The following FAM20C variants were observed in gnomAD, a reference collection of about 807,000 sequenced individuals.
FAM20C encodes the protein FAM20C golgi associated secretory pathway kinase, also known as extracellular serine/threonine protein kinase FAM20C.
Under a neutral mutation model 51.5 loss-of-function variants are expected in FAM20C, and 40 were observed. That is an observed-to-expected ratio of 0.78 (90% CI 0.60 to 1.01). The LOEUF (loss-of-function observed/expected upper bound fraction) is 1.01. Among genes scored for constraint, FAM20C ranks in the 50% least tolerant of loss-of-function variants. The probability of loss-of-function intolerance (pLI) is 0.00; values close to 1 mark genes in which losing one functional copy is unlikely to be tolerated. For synonymous variants in FAM20C, 406 were observed against 380.6 expected, an observed-to-expected ratio of 1.07 and a Z score of -0.78; for missense variants, 861 against 844.7, an observed-to-expected ratio of 1.02 and a Z score of -0.24.
At chr7:227,123 A>ATT (rs143466747) in intron 3 of FAM20C, among the ~76,000 whole-genome samples, 1 of 149,370 alleles carries the variant, frequency 6.7e-6, no homozygotes, top group African/African-American at 2.5e-5. Context: ...AAGGAAAGTC[A>ATT]TTTTTTTTTT....
At chr7:227,793 A>G (rs1787503106) in intron 3 of FAM20C, 1 of 152,328 alleles carries the variant, frequency 6.6e-6, no homozygotes, top group Non-Finnish European at 1.5e-5. Flanking sequence ...TTTGCTTTTG[A>G]AATAAAGTCT....
chr7:236,207 TGGCCGAGGTGAGA>T (rs1470136626), intron 3 of FAM20C, among the ~76,000 whole-genome samples: 116 of 98,464 alleles, frequency 1.2e-3, no homozygotes, highest in African/African-American at 8.9e-3. Context: ...GAGCGGCTCC[TGGCCGAGGTGAGA>T]GGCCGAGCGG....
chr7:256,718 C>A lies in FAM20C; in HGVS notation c.1318C>A (p.Arg440Ser). Residue 440 changes from arginine (R) to serine (S), a missense_variant, in exon 7 of 10, where the codon CGC (arginine) becomes AGC (serine). This residue lies in a region of FAM20C where 269 missense variants were observed against 283.8 expected (regional missense o/e 0.95). Coordinates refer to ENST00000313766, the MANE Select transcript of FAM20C (RefSeq NM_020223.4). ...GACACCGCCCTACGACAGCAGCCAC[C>A]GCATCCTGGACGTCATGGACATGAC... Reference protein sequence around the residue: ...KQTPPYDSSHRILDVMDMTIF... With the variant: ...KQTPPYDSSHSILDVMDMTIF... The A allele has an allele frequency of 6.5e-7, 1 of 1,536,210 alleles. No individual in the cohort carries two copies. Among genetic ancestry groups the A allele is most frequent in the Non-Finnish European group, 8.7e-7 (1 of 1,146,824 alleles).
At chr7:206,568 T>TG (rs1786404119) in intron 2 of FAM20C, among the ~76,000 whole-genome samples, 1 of 33,958 alleles carries the variant, frequency 2.9e-5, no homozygotes, top group Non-Finnish European at 7.2e-5. Context: ...CGTCGGTCAC[T>TG]GTCCCCTCAG....
At chr7:209,290 C>G (rs1786592820) in intron 3 of FAM20C, among the ~76,000 whole-genome samples, 1 of 152,234 alleles carries the variant, frequency 6.6e-6, no homozygotes, top group African/African-American at 2.4e-5. Flanking sequence ...GAATGCCTCT[C>G]TGGAAGAGGT....
rs548197766 is a variant in FAM20C at position 202,214 on chromosome 7, G to A, written c.784+6482G>A. Among the ~76,000 whole-genome samples the A allele has an allele frequency of 6.1e-4, 93 of 152,282 alleles. 4 individuals are homozygous for A. The South Asian group carries it at 0.019, about 31-fold the overall frequency. On this transcript the variant is annotated intron_variant, in intron 2 of 9. Coordinates refer to ENST00000313766, the MANE Select transcript of FAM20C (RefSeq NM_020223.4). Reference sequence around the variant, plus strand: ...GAGAGGACGGGTGGCCACTGGGCGAGATTGCACTGGGGAATGGGGCTTGTG... The same window carrying A: ...GAGAGGACGGGTGGCCACTGGGCGAAATTGCACTGGGGAATGGGGCTTGTG...
At chr7:204,653 C>T (rs906529387) in intron 2 of FAM20C, among the ~76,000 whole-genome samples, 3 of 152,166 alleles carry the variant, frequency 2.0e-5, no homozygotes, top group Non-Finnish European at 4.4e-5. Context: ...ACACGGCACT[C>T]GCGTGGCCTT....
At position 259,930 on chromosome 7, in the gene FAM20C, G is replaced by T; in HGVS notation, c.1705G>T (p.Val569Leu). ...DCVERNGLHS[V>L]VDDDLDTEHR... Reference sequence around the variant, plus strand: ...CGTGGAGAGGAACGGGCTCCACAGCGTGGTGGATGACGACCTGGACACTGA... The same window carrying T: ...CGTGGAGAGGAACGGGCTCCACAGCTTGGTGGATGACGACCTGGACACTGA... Residue 569 changes from valine to leucine, a missense_variant, in exon 10 of 10, where the codon GTG becomes TTG. Physicochemically the swap from Val to Leu is conservative, Grantham distance 32. Coordinates refer to ENST00000313766, the MANE Select transcript of FAM20C (RefSeq NM_020223.4). The T allele has an allele frequency of 6.5e-7, 1 of 1,532,382 alleles. No homozygotes were observed. The allele number at this position is 1,532,382 out of a possible 1,614,324, so 94.9% of individuals were successfully genotyped here.
At position 208,899 on chromosome 7, in the gene FAM20C, C is replaced by A. The variant is rs1427806741; in HGVS notation, c.786C>A (p.Ala262=). 3.2e-6 allele frequency: 5 copies of A among 1,571,798 alleles called. No individual in the cohort carries two copies. The South Asian group carries it at 4.7e-5, about 15-fold the overall frequency. The change falls in exon 3 of 10, where the codon GCC becomes GCA. Residue 262 remains alanine, a splice_region_variant and synonymous_variant. Coordinates refer to ENST00000313766, the MANE Select transcript of FAM20C (RefSeq NM_020223.4). ...TGTTTCTCTCCCTCCTTCCTGCAGCCATGAAGTCGGGGGGCACGCAGCTGA... is the reference window on the plus strand; with the variant it reads ...TGTTTCTCTCCCTCCTTCCTGCAGCAATGAAGTCGGGGGGCACGCAGCTGA... ...DLSSQRITSV[A]MKSGGTQLKL...
intron 3 of FAM20C, among the ~76,000 whole-genome samples, chr7:216,674 TGTGTGTGAGA>T (rs1361934612): frequency 4.6e-4 from 65 of 140,250 alleles, no homozygotes; most frequent in Middle Eastern, 3.7e-3. Context: ...AGAGACAGAG[TGTGTGTGAGA>T]GTGTGTGTGT....
intron 2 of FAM20C, among the ~76,000 whole-genome samples, chr7:199,821 A>C (rs1786047688): frequency 6.6e-6 from 1 of 152,132 alleles, no homozygotes; most frequent in Non-Finnish European, 1.5e-5. Flanking sequence ...GCGATAATTA[A>C]ATTTCTATCA....
At chr7:234,215 C>T (rs2115124702) in intron 3 of FAM20C, among the ~76,000 whole-genome samples, 1 of 152,372 alleles carries the variant, frequency 6.6e-6, no homozygotes, top group East Asian at 1.9e-4. Flanking sequence ...CCCGGTTCTG[C>T]CGAGTCCCCC....
intron 5 of FAM20C, 109 bp downstream of exon 5, chr7:248,539 G>A (rs1388311556): frequency 6.8e-6 from 5 of 731,634 alleles, no homozygotes; most frequent in Non-Finnish European, 9.2e-6. Flanking sequence ...CATCTCGCCA[G>A]GTAGCCTGGC....
chr7:227,860 C>T (rs1201014929), intron 3 of FAM20C: 5 of 152,628 alleles, frequency 3.3e-5, no homozygotes, highest in African/African-American at 9.7e-5. Flanking sequence ...AGTTGCAAAT[C>T]ACTGAATCAT....
In FAM20C at chr7:212,031, C is replaced by T. The variant is rs144552252; in HGVS notation, c.863+3055C>T. Among the ~76,000 whole-genome samples the T allele has an allele frequency of 4.4e-3, 672 of 152,334 alleles. 3 individuals are homozygous for T. Among genetic ancestry groups the T allele is most frequent in the African/African-American group, 0.016 (647 of 41,572 alleles). The stretch of plus-strand genomic sequence containing the variant: ...TTGATGGAGGTCCTGCAGCCAGTGG[C>T]GCCCCTGATGACCTATGGGGGCTGT... On this transcript the variant is annotated intron_variant, in intron 3 of 9. Coordinates refer to ENST00000313766, the MANE Select transcript of FAM20C (RefSeq NM_020223.4).
chr7:235,032 C>G (rs971863472), intron 3 of FAM20C, among the ~76,000 whole-genome samples: 1 of 152,158 alleles, frequency 6.6e-6, no homozygotes, highest in East Asian at 1.9e-4. Context: ...ACTTGCTTCT[C>G]GGAAGTTCCC....
intron 3 of FAM20C, among the ~76,000 whole-genome samples, chr7:234,473 G>A (rs979082994): frequency 3.3e-5 from 5 of 152,178 alleles, no homozygotes; most frequent in African/African-American, 7.2e-5. Context: ...GGGCAGGGCC[G>A]GCGTGCCAGG....
intron 3 of FAM20C, among the ~76,000 whole-genome samples, chr7:237,509 GTGA>G (rs1787881579): frequency 6.6e-6 from 1 of 152,104 alleles, no homozygotes; most frequent in Non-Finnish European, 1.5e-5. Flanking sequence ...AATGGTGATG[GTGA>G]TGATGATAAC....
At chr7:203,868 C>T (rs1786235077) in intron 2 of FAM20C, among the ~76,000 whole-genome samples, 1 of 152,156 alleles carries the variant, frequency 6.6e-6, no homozygotes, top group Non-Finnish European at 1.5e-5. Context: ...GCACCTGAGC[C>T]AGGAAGGAAC....
Sources: gnomAD v4.1 joint callset for allele counts (sites outside exome capture counted in the v4.1 genomes callset) on GRCh38, gnomAD v4.1.1 for gene constraint, gnomAD v4.1.1 regional missense constraint, MANE v1.5 for transcripts, NCBI Gene and HGNC (gene_info 2026-07-23, HGNC 2026-07-21) for gene names.